Variants in SEPTIN9 observed in about 807,000 individuals in gnomAD.
SEPTIN9 encodes septin-9.
In SEPTIN9, 13 loss-of-function variants were observed where a neutral mutation model predicts 56.6. The observed-to-expected ratio is 0.23, with a 90% confidence interval of 0.15 to 0.37. SEPTIN9 has a LOEUF of 0.37. SEPTIN9 is among the 10% of genes least tolerant of loss of function. SEPTIN9 has a pLI of 1.00. For missense variants in SEPTIN9, 650 were observed against 823.1 expected (o/e 0.79, Z 2.57); for synonymous variants, 332 against 334.1 (o/e 0.99, Z 0.07).
At chr17:77,355,168 A>G (rs2034189425) in intron 2 of SEPTIN9, among the ~76,000 whole-genome samples, 1 of 152,186 alleles carries the variant, frequency 6.6e-6, no homozygotes, top group Non-Finnish European at 1.5e-5. Context: ...CTCAGAGCCA[A>G]TGACTCTGGC....
At chr17:77,464,767 A>ATT (rs537872147) in intron 3 of SEPTIN9, among the ~76,000 whole-genome samples, 1,477 of 146,760 alleles carry the variant, frequency 0.01, 21 homozygotes, top group South Asian at 0.032. Context: ...CACCCGGCTA[A>ATT]TTTTTTTTTT....
intron 2 of SEPTIN9, among the ~76,000 whole-genome samples, chr17:77,358,451 T>C (rs987292581): frequency 2.6e-5 from 4 of 151,918 alleles, no homozygotes; most frequent in African/African-American, 4.8e-5. Context: ...TAAAACCCCA[T>C]CTCTACAAAA....
At chr17:77,297,140 C>T (rs754604753) in intron 1 of SEPTIN9, among the ~76,000 whole-genome samples, 2 of 152,124 alleles carry the variant, frequency 1.3e-5, no homozygotes, top group Admixed American at 1.3e-4. Flanking sequence ...CACAGAAGGC[C>T]GTCCGCAAGC....
chr17:77,344,176 C>T (rs1009694769), intron 2 of SEPTIN9, among the ~76,000 whole-genome samples: 26 of 68,820 alleles, frequency 3.8e-4, no homozygotes, highest in Non-Finnish European at 6.0e-4. Flanking sequence ...TACAACTAAG[C>T]CACAAAACAA....
chr17:77,480,958 G>A (rs567340078), intron 3 of SEPTIN9, among the ~76,000 whole-genome samples: 2 of 152,304 alleles, frequency 1.3e-5, no homozygotes, highest in Admixed American at 1.3e-4. Context: ...AGCCTGTGGG[G>A]ACTAGCAGAG....
intron 3 of SEPTIN9, among the ~76,000 whole-genome samples, chr17:77,463,749 C>T (rs566494999): frequency 9.2e-5 from 14 of 151,948 alleles, no homozygotes; most frequent in South Asian, 6.2e-4. Flanking sequence ...AGGCCGAGGC[C>T]GGAGAATTGC....
intron 2 of SEPTIN9, among the ~76,000 whole-genome samples, chr17:77,366,927 C>G (rs1264544752): frequency 6.6e-6 from 1 of 152,132 alleles, no homozygotes; most frequent in East Asian, 1.9e-4. Context: ...TTAAAAAGTC[C>G]CCTGCCTTGG....
chr17:77,343,742 C>T (rs1404503348), intron 2 of SEPTIN9, among the ~76,000 whole-genome samples: 3 of 152,180 alleles, frequency 2.0e-5, no homozygotes, highest in Non-Finnish European at 4.4e-5. Context: ...AATTGCAGGA[C>T]ACCCAGTTGG....
At chr17:77,426,567 G>C (rs1255735775) in intron 3 of SEPTIN9, among the ~76,000 whole-genome samples, 1 of 152,100 alleles carries the variant, frequency 6.6e-6, no homozygotes, top group African/African-American at 2.4e-5. Flanking sequence ...GGCTGCTCCT[G>C]GAACATGAGG....
intron 3 of SEPTIN9, among the ~76,000 whole-genome samples, chr17:77,448,123 A>G (rs988681578): frequency 6.6e-6 from 1 of 152,146 alleles, no homozygotes; most frequent in Non-Finnish European, 1.5e-5. Flanking sequence ...TTCAAATCAT[A>G]ATATGGTCCA....
At chr17:77,373,702 G>A in intron 2 of SEPTIN9, 1 of 1,352,646 alleles carries the variant, frequency 7.4e-7, no homozygotes, top group Non-Finnish European at 9.6e-7. Context: ...CGCTGAGAGC[G>A]CCGCGCGCCC....
intron 3 of SEPTIN9, among the ~76,000 whole-genome samples, chr17:77,418,595 G>A (rs1206932389): frequency 6.6e-6 from 1 of 151,874 alleles, no homozygotes; most frequent in African/African-American, 2.4e-5. Context: ...TGCCCACCTC[G>A]GCTTCCCAAA....
At chr17:77,481,607 C>T (rs1161126894) in intron 3 of SEPTIN9, among the ~76,000 whole-genome samples, 1 of 152,210 alleles carries the variant, frequency 6.6e-6, no homozygotes, top group African/African-American at 2.4e-5. Context: ...GTTCTATCCC[C>T]GTTTCTTACA....
chr17:77,484,524 T>C (rs1359390531), intron 4 of SEPTIN9, among the ~76,000 whole-genome samples: 1 of 143,296 alleles, frequency 7.0e-6, no homozygotes, highest in African/African-American at 2.7e-5. Flanking sequence ...ATGGTGGTAA[T>C]TGTGATGGTG....
At chr17:77,353,216 G>A (rs553533959) in intron 2 of SEPTIN9, among the ~76,000 whole-genome samples, 37 of 152,288 alleles carry the variant, frequency 2.4e-4, no homozygotes, top group Admixed American at 6.5e-4. Flanking sequence ...AAGAGGGCTT[G>A]TGTTCACGTC....
At chr17:77,411,474 A>G (rs2036296156) in intron 3 of SEPTIN9, among the ~76,000 whole-genome samples, 1 of 150,076 alleles carries the variant, frequency 6.7e-6, no homozygotes, top group Non-Finnish European at 1.5e-5. Context: ...GGCTCACTGT[A>G]ACCTCCACCT....
chr17:77,344,943 G>A (rs2033841738), intron 2 of SEPTIN9, among the ~76,000 whole-genome samples: 1 of 122,608 alleles, frequency 8.2e-6, no homozygotes, highest in Admixed American at 1.1e-4. Flanking sequence ...CTGCACTCCA[G>A]CTTGGGCGAC....
intron 3 of SEPTIN9, among the ~76,000 whole-genome samples, chr17:77,461,323 T>A (rs1466189831): frequency 1.3e-5 from 2 of 151,822 alleles, no homozygotes; most frequent in Non-Finnish European, 2.9e-5. Context: ...TAAAAATAAA[T>A]AAATAAAAAT....
At chr17:77,393,900 T>G (rs547398934) in intron 2 of SEPTIN9, among the ~76,000 whole-genome samples, 1 of 152,234 alleles carries the variant, frequency 6.6e-6, no homozygotes, top group East Asian at 1.9e-4. Flanking sequence ...GGGCACCTTA[T>G]TACCCCATCA....
Sources: gnomAD v4.1 joint callset for allele counts (sites outside exome capture counted in the v4.1 genomes callset) on GRCh38, gnomAD v4.1.1 for gene constraint, MANE v1.5 for transcripts, NCBI Gene and HGNC (gene_info 2026-07-23, HGNC 2026-07-21) for gene names.